The following NEBL variants were observed in gnomAD, a reference collection of about 807,000 sequenced individuals.
The protein encoded by NEBL is LIM and SH3 protein 2.
A neutral mutation model predicts 140.2 loss-of-function variants in NEBL; 122 were observed. The ratio of observed to expected loss-of-function variants is 0.87; its 90% CI spans 0.75 to 1.01. The LOEUF is 1.01. NEBL is among the 50% of genes least tolerant of loss of function. The pLI, the probability that NEBL is intolerant of heterozygous loss-of-function variation, is 0.00. For missense variants in NEBL, 1,365 were observed against 1,231.3 expected (o/e 1.11, Z -1.62); for synonymous variants, 436 against 398.9 (o/e 1.09, Z -1.11).
chr10:20,843,802 T>G (rs1841609991), intron 12 of NEBL, among the ~76,000 whole-genome samples: 1 of 152,108 alleles, frequency 6.6e-6, no homozygotes, highest in South Asian at 2.1e-4. Context: ...ATCCATCACC[T>G]CAAACATGTA....
At chr10:20,869,668 C>T in intron 6 of NEBL, 72 bp downstream of exon 6, 1 of 978,394 alleles carries the variant, frequency 1.0e-6, no homozygotes, top group Non-Finnish European at 1.7e-6. Context: ...ACCATCCAAC[C>T]ACTGAAGCTA....
At chr10:21,270,471 A>G (rs1328426695) in intron 1 of NEBL, among the ~76,000 whole-genome samples, 1 of 151,422 alleles carries the variant, frequency 6.6e-6, no homozygotes, top group Admixed American at 6.6e-5. Context: ...AGTTCAAGTG[A>G]TTCTCCTGCC....
chr10:21,024,637 G>T (rs1838948474), intron 2 of NEBL, among the ~76,000 whole-genome samples: 3 of 151,992 alleles, frequency 2.0e-5, no homozygotes, highest in South Asian at 2.1e-4. Context: ...TACTGAAAAT[G>T]AAAATTACAA....
chr10:21,040,017 C>T (rs190183516), intron 2 of NEBL, among the ~76,000 whole-genome samples: 19 of 152,066 alleles, frequency 1.2e-4, no homozygotes, highest in African/African-American at 4.1e-4. Flanking sequence ...TTTGAAATAC[C>T]AACTGTTAGT....
chr10:21,273,792 G>T (rs11012633), intron 1 of NEBL, among the ~76,000 whole-genome samples: 5 of 152,144 alleles, frequency 3.3e-5, no homozygotes. Flanking sequence ...AAGGCTCCCA[G>T]GGTTCTCAGC....
chr10:21,149,290 T>C (rs1840044578), intron 2 of NEBL, among the ~76,000 whole-genome samples: 1 of 149,874 alleles, frequency 6.7e-6, no homozygotes, highest in African/African-American at 2.5e-5. Context: ...TGCAATAGTC[T>C]TTCTTTTTTT....
intron 2 of NEBL, among the ~76,000 whole-genome samples, chr10:21,096,920 C>A (rs1401493258): frequency 6.6e-6 from 1 of 151,928 alleles, no homozygotes; most frequent in East Asian, 1.9e-4. Flanking sequence ...TTCATCTGAG[C>A]TCCCCACAAA....
At chr10:21,230,665 C>T (rs1264037248) in intron 3 of NEBL, among the ~76,000 whole-genome samples, 3 of 148,306 alleles carry the variant, frequency 2.0e-5, no homozygotes, top group East Asian at 2.0e-4. Flanking sequence ...AGTGCAGCGG[C>T]GTGATCTTGG....
At chr10:21,147,568 G>A (rs1291560669) in intron 2 of NEBL, among the ~76,000 whole-genome samples, 1 of 152,158 alleles carries the variant, frequency 6.6e-6, no homozygotes, top group African/African-American at 2.4e-5. Flanking sequence ...ATGAAGAGTA[G>A]TGTAAGTTTC....
chr10:21,261,554 G>A (rs11592722), intron 1 of NEBL, among the ~76,000 whole-genome samples: 3,041 of 151,892 alleles, frequency 0.02, 46 homozygotes, highest in Middle Eastern at 0.034. Context: ...GGCTGGGGCA[G>A]AAGGATTGCT....
At position 20,781,316 on chromosome 10, in the gene NEBL, T is replaced by C. The variant is rs982959591; in HGVS notation, c.*4431A>G. On this transcript the variant is annotated 3_prime_UTR_variant, in exon 28 of 28. Transcript: ENST00000377122. ...ACACTCTCAAAGTTAGTCTCGCAAA[T>C]TAATCATCAACCACAATTCTACATA... 3.3e-5 allele frequency: 5 copies of C among 152,556 alleles called. No homozygotes were observed. The highest frequency in any genetic ancestry group is 1.2e-4 in the African/African-American group (5 of 41,432). 9.5% of individuals were successfully genotyped at this position (152,556 alleles called of 1,614,324 possible). A position where few individuals can be genotyped will look rare whatever the true frequency, so the allele number is the denominator to read the frequency against.
At chr10:21,186,825 C>T (rs1313946383) in intron 3 of NEBL, among the ~76,000 whole-genome samples, 1 of 151,916 alleles carries the variant, frequency 6.6e-6, no homozygotes, top group Non-Finnish European at 1.5e-5. Flanking sequence ...AACGTAAAAG[C>T]CACGTAAATA....
chr10:21,200,327 T>TC (rs1841713652), intron 3 of NEBL, among the ~76,000 whole-genome samples: 1 of 144,018 alleles, frequency 6.9e-6, no homozygotes, highest in South Asian at 2.4e-4. Context: ...TTTTTTTTTT[T>TC]TTTTGAGATG....
intron 5 of NEBL, among the ~76,000 whole-genome samples, chr10:20,874,722 A>G (rs954741208): frequency 3.3e-5 from 5 of 152,046 alleles, no homozygotes; most frequent in Admixed American, 6.6e-5. Flanking sequence ...GTTCTAACAC[A>G]GCCTCCATTT....
In NEBL at chr10:20,882,497, G is replaced by T. The variant is rs183362548; in HGVS notation, c.370-1593C>A. On this transcript the variant is annotated intron_variant, in intron 4 of 27. Coordinates refer to ENST00000377122, the MANE Select transcript of NEBL (RefSeq NM_006393.3). Reference sequence around the variant, plus strand: ...TTTTACCAATATGAGCTCCTTGGGCGCATGTCTGTCTCACACCTTTTTATC... The same window carrying T: ...TTTTACCAATATGAGCTCCTTGGGCTCATGTCTGTCTCACACCTTTTTATC... Among the ~76,000 whole-genome samples, 49 of 152,202 alleles carry T rather than the reference G, an allele frequency of 3.2e-4. No homozygotes were observed. In the East Asian group the frequency reaches 6.4e-3, roughly 20 times the overall value.
intron 3 of NEBL, among the ~76,000 whole-genome samples, chr10:20,983,355 C>T (rs1264805201): frequency 6.6e-6 from 1 of 152,142 alleles, no homozygotes; most frequent in East Asian, 1.9e-4. Flanking sequence ...TGCTAAACTT[C>T]AACGCAAAAG....
At chr10:21,088,596 C>A (rs970743628) in intron 2 of NEBL, among the ~76,000 whole-genome samples, 4 of 152,080 alleles carry the variant, frequency 2.6e-5, no homozygotes, top group East Asian at 1.9e-4. Context: ...GTACTTCCTG[C>A]GGGGATGGAA....
At position 21,163,048 on chromosome 10, in the gene NEBL, T is replaced by C. The variant is rs1400268517; in HGVS notation, c.164+9335A>G. 2.0e-5 allele frequency among the ~76,000 whole-genome samples: 3 copies of C among 152,230 alleles called. No individual in the cohort carries two copies. In the East Asian group the frequency reaches 5.8e-4, roughly 29 times the overall value. ...TAATCCTAAGAGATAGAGTCTATTA[T>C]ACCCATTTTACAGATGAGGATACTG... On this transcript the variant is annotated intron_variant, in intron 2 of 6. Transcript: ENST00000417816.
At chr10:20,936,810 A>C (rs1834514926) in intron 4 of NEBL, among the ~76,000 whole-genome samples, 1 of 152,232 alleles carries the variant, frequency 6.6e-6, no homozygotes, top group Non-Finnish European at 1.5e-5. Flanking sequence ...AACACTGTTC[A>C]ACAGGCTTGA....
Sources: allele counts gnomAD v4.1 joint callset (sites outside exome capture counted in the v4.1 genomes callset), GRCh38; gene constraint gnomAD v4.1.1; transcripts MANE v1.5; gene names NCBI Gene and HGNC (gene_info 2026-07-23, HGNC 2026-07-21).